Variants in FHIT observed in about 807,000 individuals in gnomAD.
FHIT encodes the protein bis(5'-adenosyl)-triphosphatase.
FHIT carries 19 observed loss-of-function variants against 17.9 expected under a neutral mutation model. That is an observed-to-expected ratio of 1.06 (90% CI 0.74 to 1.56). FHIT has a LOEUF of 1.56. Among genes scored for constraint, FHIT ranks in the 40% most tolerant of loss-of-function variants. The probability of loss-of-function intolerance (pLI) is 0.00; values close to 1 mark genes in which losing one functional copy is unlikely to be tolerated. For missense variants in FHIT, 248 were observed against 189.2 expected (o/e 1.31, Z -1.82); for synonymous variants, 81 against 69.7 (o/e 1.16, Z -0.81).
At chr3:60,518,979 T>C (rs374290773) in intron 5 of FHIT, among the ~76,000 whole-genome samples, 124 of 152,342 alleles carry the variant, frequency 8.1e-4, no homozygotes, top group Middle Eastern at 6.8e-3. Context: ...CACTCTAGCC[T>C]GGACAACAGA....
intron 2 of FHIT, among the ~76,000 whole-genome samples, chr3:61,091,760 C>T (rs1050924238): frequency 4.0e-5 from 6 of 151,654 alleles, no homozygotes; most frequent in East Asian, 1.9e-4. Flanking sequence ...CGAGCCTGGA[C>T]ACCATGGCAA....
At chr3:60,202,505 G>A (rs897915993) in intron 5 of FHIT, among the ~76,000 whole-genome samples, 1 of 152,184 alleles carries the variant, frequency 6.6e-6, no homozygotes, top group Non-Finnish European at 1.5e-5. Flanking sequence ...TAATTTACTT[G>A]TTCACAGTTG....
chr3:61,231,879 G>T (rs960792365), intron 1 of FHIT, among the ~76,000 whole-genome samples: 21 of 152,206 alleles, frequency 1.4e-4, no homozygotes, highest in African/African-American at 4.8e-4. Context: ...CTGTGATGCA[G>T]GAATGTGCCC....
At chr3:60,837,091 G>T (rs1346563375) in intron 3 of FHIT, among the ~76,000 whole-genome samples, 2 of 152,092 alleles carry the variant, frequency 1.3e-5, no homozygotes, top group African/African-American at 2.4e-5. Context: ...TTGCAGCTGG[G>T]TCTCCAAGCT....
intron 4 of FHIT, among the ~76,000 whole-genome samples, chr3:60,735,475 G>C (rs2042115962): frequency 6.6e-6 from 1 of 152,188 alleles, no homozygotes; most frequent in South Asian, 2.1e-4. Context: ...ACTACTCAAT[G>C]CTAAGATTTG....
intron 3 of FHIT, among the ~76,000 whole-genome samples, chr3:60,948,253 G>C (rs1708723163): frequency 6.6e-6 from 1 of 152,118 alleles, no homozygotes; most frequent in African/African-American, 2.4e-5. Flanking sequence ...GGCAAGTCAG[G>C]CAGAAGGCCC....
chr3:60,395,244 T>C (rs1325201708), intron 5 of FHIT, among the ~76,000 whole-genome samples: 1 of 152,146 alleles, frequency 6.6e-6, no homozygotes, highest in Non-Finnish European at 1.5e-5. Context: ...ATCATCATGA[T>C]CATTGTTTTT....
intron 5 of FHIT, among the ~76,000 whole-genome samples, chr3:60,064,362 T>A (rs1328945516): frequency 6.6e-6 from 1 of 152,144 alleles, no homozygotes; most frequent in Non-Finnish European, 1.5e-5. Flanking sequence ...AAGAACACAG[T>A]ATAACTGATG....
At chr3:60,494,001 T>A (rs1347898469) in intron 5 of FHIT, among the ~76,000 whole-genome samples, 1 of 152,210 alleles carries the variant, frequency 6.6e-6, no homozygotes, top group Admixed American at 6.5e-5. Context: ...AATTACAGAA[T>A]GTATCTTTGT....
intron 5 of FHIT, among the ~76,000 whole-genome samples, chr3:60,071,005 CT>C (rs144077623): frequency 0.025 from 3,767 of 152,306 alleles, 71 homozygotes; most frequent in Non-Finnish European, 0.039. Flanking sequence ...AGAGAAATCT[CT>C]GTCAAAGGTC....
Position 60,347,883 on chromosome 3 carries a change from C to G in FHIT, c.103+188977G>C, listed in dbSNP as rs372269281. ...AAGCGATTCTCCTGCCTCAGCCTCC[C>G]AAGTAGCTGGGATTACAGGCGCCCA... On this transcript the variant is annotated intron_variant, in intron 5 of 9. Coordinates refer to ENST00000492590, the MANE Select transcript of FHIT (RefSeq NM_002012.4). Among the ~76,000 whole-genome samples the G allele has an allele frequency of 3.1e-3, 466 of 152,088 alleles. 1 individual carries two copies. The highest frequency in any genetic ancestry group is 0.022 in the South Asian group (107 of 4,802).
intron 5 of FHIT, among the ~76,000 whole-genome samples, chr3:60,412,774 C>T (rs1476240558): frequency 6.6e-6 from 1 of 152,114 alleles, no homozygotes; most frequent in Non-Finnish European, 1.5e-5. Flanking sequence ...AGGGAGAGAC[C>T]TGTAATCCCC....
chr3:61,156,478 T>C (rs1196096407), intron 2 of FHIT, among the ~76,000 whole-genome samples: 1 of 152,082 alleles, frequency 6.6e-6, no homozygotes, highest in Non-Finnish European at 1.5e-5. Context: ...AATCATTTGT[T>C]TGTGGTCTAT....
intron 5 of FHIT, among the ~76,000 whole-genome samples, chr3:60,223,656 T>A (rs1003297354): frequency 6.6e-6 from 1 of 152,188 alleles, no homozygotes; most frequent in African/African-American, 2.4e-5. Context: ...ACTTTTATTT[T>A]CATAATTATA....
intron 5 of FHIT, among the ~76,000 whole-genome samples, chr3:60,266,663 C>T (rs1330180494): frequency 6.6e-6 from 1 of 151,916 alleles, no homozygotes; most frequent in African/African-American, 2.4e-5. Flanking sequence ...ATTGCGACAC[C>T]CCCTCATCCT....
At chr3:61,210,252 C>A (rs1159933959) in intron 1 of FHIT, among the ~76,000 whole-genome samples, 2 of 152,216 alleles carry the variant, frequency 1.3e-5, no homozygotes, top group Non-Finnish European at 2.9e-5. Context: ...ACTCGGGGGT[C>A]AGGGACCCAC....
intron 5 of FHIT, among the ~76,000 whole-genome samples, chr3:60,460,888 G>A (rs899652271): frequency 1.3e-5 from 2 of 152,158 alleles, no homozygotes; most frequent in Non-Finnish European, 2.9e-5. Flanking sequence ...CATGTTGGAA[G>A]TAGTGAATCA....
chr3:60,007,663 A>G (rs540125888), intron 7 of FHIT, among the ~76,000 whole-genome samples: 20 of 152,300 alleles, frequency 1.3e-4, no homozygotes, highest in African/African-American at 4.8e-4. Flanking sequence ...GTGCCATGGG[A>G]GCCTTTAGAA....
At chr3:60,572,018 C>T (rs997409442) in intron 4 of FHIT, among the ~76,000 whole-genome samples, 1 of 150,722 alleles carries the variant, frequency 6.6e-6, no homozygotes, top group East Asian at 1.9e-4. Context: ...CCAAGGTTTT[C>T]TTTCTTTCTT....
Sources: gnomAD v4.1 joint callset for allele counts (sites outside exome capture counted in the v4.1 genomes callset) on GRCh38, gnomAD v4.1.1 for gene constraint, MANE v1.5 for transcripts, NCBI Gene and HGNC (gene_info 2026-07-23, HGNC 2026-07-21) for gene names.